The following TBCD variants were observed in gnomAD, a reference collection of about 807,000 sequenced individuals.
TBCD encodes the protein tubulin folding cofactor D.
A neutral mutation model predicts 169.3 loss-of-function variants in TBCD; 105 were observed. The ratio of observed to expected loss-of-function variants is 0.62; its 90% CI spans 0.53 to 0.73. The LOEUF is 0.73. Ranked by LOEUF, TBCD falls within the 30% of genes least tolerant of loss-of-function variation. TBCD has a pLI of 0.00. For missense variants in TBCD, 1,444 were observed against 1,600.1 expected (o/e 0.90, Z 1.66); for synonymous variants, 700 against 643.9 (o/e 1.09, Z -1.32).
At chr17:82,907,131 G>A (rs929757109) in intron 20 of TBCD, among the ~76,000 whole-genome samples, 8 of 152,262 alleles carry the variant, frequency 5.3e-5, no homozygotes, top group African/African-American at 1.9e-4. Context: ...AGGAAAGCAG[G>A]TGCCAGCGTA....
At chr17:82,772,970 G>A (rs564949886) in intron 6 of TBCD, among the ~76,000 whole-genome samples, 15 of 152,320 alleles carry the variant, frequency 9.8e-5, no homozygotes, top group African/African-American at 3.4e-4. Flanking sequence ...TCTGCTGAGC[G>A]CAGCAGGCCT....
chr17:82,919,172 C>T (rs964609801), intron 23 of TBCD, among the ~76,000 whole-genome samples: 1 of 152,184 alleles, frequency 6.6e-6, no homozygotes, highest in Non-Finnish European at 1.5e-5. Flanking sequence ...TTTCTCCTCC[C>T]CTCCTCTGAG....
rs915281446 is a variant in TBCD, at chr17:82,922,185, A to AC, written c.2178+612dup. ...AGGCCAGCCTGGCCAACATGGTGAA[A>AC]CCCCATCTCTACTAAAAATACAAAA... On this transcript the variant is annotated intron_variant, in intron 25 of 38. Coordinates refer to ENST00000355528, the MANE Select transcript of TBCD (RefSeq NM_005993.5). The surrounding 1 kb of genome is among the most constrained non-coding windows in gnomAD (Gnocchi z 4.1). Among the ~76,000 whole-genome samples the AC allele has an allele frequency of 6.6e-6, 1 of 152,144 alleles. No homozygotes were observed. The highest frequency in any genetic ancestry group is 2.1e-4 in the South Asian group (1 of 4,824).
At position 82,781,696 on chromosome 17, in the gene TBCD, C is replaced by A. The variant is rs765538480; in HGVS notation, c.746C>A (p.Thr249Asn). The change falls in exon 7 of 39, where the codon ACC becomes AAC. Residue 249 changes from threonine to asparagine, a missense_variant. Physicochemically the swap from Thr to Asn is moderately conservative, Grantham distance 65. Coordinates refer to ENST00000355528, the MANE Select transcript of TBCD (RefSeq NM_005993.5). ...TTCCAGACCATGCAGGGGGTCATCA[C>A]CATGGATGGGACGCTGCAGGCCCTG... The part of the protein sequence containing the change: ...SSFQTMQGVI[T>N]MDGTLQALAQ... The A allele has an allele frequency of 6.2e-7, 1 of 1,613,674 alleles. No homozygotes were observed. The highest frequency in any genetic ancestry group is 1.3e-5 in the African/African-American group (1 of 74,890).
intron 19 of TBCD, among the ~76,000 whole-genome samples, chr17:82,905,467 G>T (rs12952711): frequency 1.1e-4 from 14 of 133,292 alleles, no homozygotes; most frequent in East Asian, 4.4e-4. Context: ...GCGTGTGGGC[G>T]TCCCACAGGT....
At position 82,915,278 on chromosome 17, in the gene TBCD, C is replaced by A. The variant is rs764848831; in HGVS notation, c.2038+3489C>A. On this transcript the variant is annotated intron_variant, in intron 23 of 38. Coordinates refer to ENST00000355528, the MANE Select transcript of TBCD (RefSeq NM_005993.5). The surrounding 1 kb of genome is among the most constrained non-coding windows in gnomAD (Gnocchi z 4.3). ...CGCAGGTGCCCCGGAGGTGTCGAACCGCAGATTTCTTCAGACGTTTTTTGC... is the reference window on the plus strand; with the variant it reads ...CGCAGGTGCCCCGGAGGTGTCGAACAGCAGATTTCTTCAGACGTTTTTTGC... Among the ~76,000 whole-genome samples, 3 of 152,290 alleles carry A rather than the reference C, an allele frequency of 2.0e-5. No homozygotes were observed. Among genetic ancestry groups the A allele is most frequent in the Non-Finnish European group, 2.9e-5 (2 of 68,022 alleles).
chr17:82,899,064 G>A (rs2059688986), intron 17 of TBCD, among the ~76,000 whole-genome samples: 2 of 152,280 alleles, frequency 1.3e-5, no homozygotes, highest in Admixed American at 6.5e-5. Context: ...ACACACTCCT[G>A]TGTGTCAGGT....
intron 6 of TBCD, among the ~76,000 whole-genome samples, chr17:82,780,380 T>C (rs1351673710): frequency 6.6e-6 from 1 of 152,136 alleles, no homozygotes; most frequent in Non-Finnish European, 1.5e-5. Flanking sequence ...GGGCCTTGTC[T>C]GTTCTCCGTG....
At chr17:82,795,604 A>G (rs1363087918) in intron 7 of TBCD, 5 of 985,388 alleles carry the variant, frequency 5.1e-6, no homozygotes, top group South Asian at 4.7e-5. Context: ...TGCCTGTAGG[A>G]TGAGATTTCA....
intron 27 of TBCD, 144 bp from the exon 28 acceptor site, chr17:82,926,256 A>C: frequency 2.8e-6 from 2 of 718,694 alleles, no homozygotes; most frequent in Admixed American, 2.3e-5. Flanking sequence ...ACCAGGGGCC[A>C]TGGATGGCCG....
At chr17:82,869,947 T>C (rs1172621126) in intron 13 of TBCD, among the ~76,000 whole-genome samples, 2 of 152,236 alleles carry the variant, frequency 1.3e-5, no homozygotes, top group Non-Finnish European at 2.9e-5. Flanking sequence ...TGGTATCATG[T>C]GCTATTCTGA....
intron 13 of TBCD, among the ~76,000 whole-genome samples, chr17:82,824,969 A>G (rs566640494): frequency 2.0e-5 from 3 of 152,132 alleles, no homozygotes; most frequent in South Asian, 4.1e-4. Context: ...ATAAAGCTCT[A>G]GGAATCGATT....
chr17:82,881,566 G>GC (rs1324239149), intron 14 of TBCD, among the ~76,000 whole-genome samples: 3 of 152,174 alleles, frequency 2.0e-5, no homozygotes. Context: ...GGCTGGAGGG[G>GC]CCCCTCTGCT....
intron 2 of TBCD, among the ~76,000 whole-genome samples, chr17:82,761,669 A>G (rs544270359): frequency 6.6e-6 from 1 of 151,708 alleles, no homozygotes; most frequent in South Asian, 2.1e-4. Context: ...TGGTGTGTGT[A>G]TCAGTAGTTT....
rs568400668 is a variant in TBCD at position 82,816,169 on chromosome 17, G to A, written c.1318+1235G>A. 6.2e-4 allele frequency among the ~76,000 whole-genome samples: 94 copies of A among 152,244 alleles called. 1 individual carries two copies. The South Asian group carries it at 0.015, about 25-fold the overall frequency. The stretch of plus-strand genomic sequence containing the variant: ...GAACCTACGACATGTGATCTTTGGC[G>A]TCCGAATTCTTCGGCTGAGTTTCTC... On this transcript the variant is annotated intron_variant, in intron 13 of 38. Transcript: ENST00000355528.
intron 13 of TBCD, chr17:82,838,849 TCAC>T: frequency 3.0e-6 from 3 of 985,400 alleles, no homozygotes; most frequent in Non-Finnish European, 2.4e-6. Context: ...AAACAAACGC[TCAC>T]CACTTTACAG....
At chr17:82,911,715 G>C in intron 22 of TBCD, 43 bp from the exon 23 acceptor site, 1 of 1,600,874 alleles carries the variant, frequency 6.2e-7, no homozygotes, top group South Asian at 1.1e-5. Flanking sequence ...TGTTTTATAC[G>C]TCAAGAGGTT....
chr17:82,867,932 T>C (rs546758631), intron 13 of TBCD, among the ~76,000 whole-genome samples: 3 of 151,940 alleles, frequency 2.0e-5, no homozygotes, highest in Non-Finnish European at 2.9e-5. Flanking sequence ...AGAGCACAGG[T>C]CCCCCAGGGG....
At chr17:82,826,417 T>C (rs1266272854) in intron 13 of TBCD, among the ~76,000 whole-genome samples, 2 of 152,170 alleles carry the variant, frequency 1.3e-5, no homozygotes, top group Non-Finnish European at 2.9e-5. Context: ...AGTCAGGCTT[T>C]TTTTGTTTTT....
Sources: allele counts gnomAD v4.1 joint callset (sites outside exome capture counted in the v4.1 genomes callset), GRCh38; gene constraint gnomAD v4.1.1; non-coding constraint Gnocchi (gnomAD v3.1); transcripts MANE v1.5; gene names NCBI Gene and HGNC (gene_info 2026-07-23, HGNC 2026-07-21).